Variants in MAPKAPK2 observed in about 807,000 individuals in gnomAD.
The protein encoded by MAPKAPK2 is MAPK activated protein kinase 2.
Under a neutral mutation model 48.8 loss-of-function variants are expected in MAPKAPK2, and 9 were observed. The observed-to-expected ratio is 0.18, with a 90% CI of 0.11 to 0.32. MAPKAPK2 has a LOEUF of 0.32. Among genes scored for constraint, MAPKAPK2 ranks in the 10% least tolerant of loss-of-function variants. MAPKAPK2 has a pLI of 1.00. For synonymous variants in MAPKAPK2, 202 were observed against 190.6 expected (o/e 1.06, Z -0.49); for missense variants, 331 against 498.3 (o/e 0.66, Z 3.20).
intron 1 of MAPKAPK2, among the ~76,000 whole-genome samples, chr1:206,689,761 A>C (rs1553426024): frequency 6.6e-6 from 1 of 152,228 alleles, no homozygotes. Context: ...GATTAAACTA[A>C]ATTAAATTTG....
intron 3 of MAPKAPK2, 128 bp from the exon 4 acceptor site, chr1:206,729,268 C>T: frequency 9.2e-7 from 1 of 1,092,262 alleles, no homozygotes; most frequent in Non-Finnish European, 1.4e-6. Flanking sequence ...GGCTTTGTTT[C>T]TGGGGTGGGT....
chr1:206,692,954 T>A (rs1385256298), intron 1 of MAPKAPK2, among the ~76,000 whole-genome samples: 1 of 152,152 alleles, frequency 6.6e-6, no homozygotes, highest in Non-Finnish European at 1.5e-5. Context: ...CTGGCTCATC[T>A]CCATGAAGAT....
In MAPKAPK2 at chr1:206,732,724, C is replaced by T. The variant is rs545967385; in HGVS notation, c.*6C>T. 605 of 1,614,032 alleles carry T rather than the reference C, an allele frequency of 3.7e-4. 9 individuals are homozygous for T. The South Asian group carries it at 6.3e-3, about 17-fold the overall frequency. On this transcript the variant is annotated 3_prime_UTR_variant, in exon 10 of 10. Coordinates refer to ENST00000367103, the MANE Select transcript of MAPKAPK2 (RefSeq NM_032960.4). The surrounding 1 kb of genome is among the most constrained non-coding windows in gnomAD (Gnocchi z 4.4). The stretch of plus-strand genomic sequence containing the variant: ...CTGCGGCTCTGGCCCACTGAGCCAC[C>T]GCGCCCTCCTGCCCACGGGAGGACA...
At chr1:206,712,784 G>A (rs1279534323) in intron 1 of MAPKAPK2, among the ~76,000 whole-genome samples, 10 of 151,956 alleles carry the variant, frequency 6.6e-5, no homozygotes, top group African/African-American at 2.4e-4. Flanking sequence ...TGGCCAATGT[G>A]GTGAAACCCC....
chr1:206,716,342 A>G (rs1673333934), intron 1 of MAPKAPK2, among the ~76,000 whole-genome samples: 1 of 152,154 alleles, frequency 6.6e-6, no homozygotes, highest in Non-Finnish European at 1.5e-5. Context: ...CTCACTGTGT[A>G]GGAAAGAGTG....
At position 206,706,933 on chromosome 1, in the gene MAPKAPK2, C is replaced by T. The variant is rs563962440; in HGVS notation, c.279+21425C>T. Among the ~76,000 whole-genome samples, 32 of 152,266 alleles carry T rather than the reference C, an allele frequency of 2.1e-4. No individual in the cohort carries two copies. In the East Asian group the frequency reaches 5.6e-3, roughly 27 times the overall value. ...CAGTGTCTGAGCCCCTTCCCTACCC[C>T]TCATTCATTCTCTCCCCTCACCTGT... On this transcript the variant is annotated intron_variant, in intron 1 of 9. Coordinates refer to ENST00000367103, the MANE Select transcript of MAPKAPK2 (RefSeq NM_032960.4).
chr1:206,693,395 G>A (rs1672515036), intron 1 of MAPKAPK2, among the ~76,000 whole-genome samples: 1 of 151,258 alleles, frequency 6.6e-6, no homozygotes, highest in African/African-American at 2.5e-5. Context: ...AGGTGATTTG[G>A]GGCTAACTCA....
chr1:206,702,035 G>A (rs1465489019), intron 1 of MAPKAPK2, among the ~76,000 whole-genome samples: 1 of 152,108 alleles, frequency 6.6e-6, no homozygotes, highest in Non-Finnish European at 1.5e-5. Flanking sequence ...CCTGGAATGT[G>A]CATTTTTAAT....
intron 2 of MAPKAPK2, 38 bp downstream of exon 2, chr1:206,728,887 C>A (rs1673797670): frequency 6.2e-7 from 1 of 1,612,168 alleles, no homozygotes; most frequent in South Asian, 1.1e-5. Flanking sequence ...CCAGCCTGTT[C>A]CCACTCCTCA....
At chr1:206,706,779 G>C (rs781867317) in intron 1 of MAPKAPK2, among the ~76,000 whole-genome samples, 1 of 152,216 alleles carries the variant, frequency 6.6e-6, no homozygotes, top group Non-Finnish European at 1.5e-5. Context: ...TACTTGTTCA[G>C]AAGTGGCTTC....
rs1312446845 is a variant in MAPKAPK2, at chr1:206,714,836, A to G, written c.280-13874A>G. On this transcript the variant is annotated intron_variant, in intron 1 of 9. Transcript: ENST00000367103. ...CTCTTAGTCATCATAGTTTATTAAC[A>G]GTTTTGTTTACATATTGCTTCTTTT... is the stretch of plus-strand genomic sequence containing the variant. Among the ~76,000 whole-genome samples, 15 of 151,672 alleles carry G rather than the reference A, an allele frequency of 9.9e-5. No individual in the cohort carries two copies. The South Asian group carries it at 2.7e-3, about 27-fold the overall frequency.
rs1181483621 is a variant in MAPKAPK2 at position 206,701,831 on chromosome 1, T to TAAAAA, written c.279+16344_279+16348dup. On this transcript the variant is annotated intron_variant, in intron 1 of 9. Coordinates refer to ENST00000367103, the MANE Select transcript of MAPKAPK2 (RefSeq NM_032960.4). ...GGGCAACAGAATGAGACCCTGTCTC[T>TAAAAA]AAAAAAAAAAAAAAAAAAAAAAAAA... Among the ~76,000 whole-genome samples, 12 of 86,968 alleles carry TAAAAA rather than the reference T, an allele frequency of 1.4e-4. 1 individual carries two copies. The highest frequency in any genetic ancestry group is 2.2e-4 in the Non-Finnish European group (10 of 45,004). 57.1% of individuals were successfully genotyped at this position (86,968 alleles called of 152,430 possible). A position where few individuals can be genotyped will look rare whatever the true frequency, so the allele number is the denominator to read the frequency against.
At chr1:206,701,693 G>A (rs1436364958) in intron 1 of MAPKAPK2, among the ~76,000 whole-genome samples, 1 of 151,804 alleles carries the variant, frequency 6.6e-6, no homozygotes, top group Non-Finnish European at 1.5e-5. Flanking sequence ...AATTAGCCTG[G>A]CGTGGTGGCG....
chr1:206,716,417 G>C (rs80314272), intron 1 of MAPKAPK2, among the ~76,000 whole-genome samples: 2 of 152,232 alleles, frequency 1.3e-5, no homozygotes, highest in South Asian at 4.1e-4. Context: ...CTATCTTCCG[G>C]TTCTTTTTCC....
chr1:206,723,384 T>C (rs1330758423), intron 1 of MAPKAPK2, among the ~76,000 whole-genome samples: 1 of 152,178 alleles, frequency 6.6e-6, no homozygotes, highest in African/African-American at 2.4e-5. Context: ...ATTTACATCA[T>C]GCACATCTAT....
chr1:206,686,202 T>C (rs967432079), intron 1 of MAPKAPK2, among the ~76,000 whole-genome samples: 18 of 152,246 alleles, frequency 1.2e-4, no homozygotes, highest in African/African-American at 4.1e-4. Flanking sequence ...GCCGGCGGTG[T>C]CCGCGGCCCG....
chr1:206,701,830 C>CAAAAAAAA lies in MAPKAPK2; in HGVS notation c.279+16322_279+16323insAAAAAAAA, dbSNP rs1553427942. On this transcript the variant is annotated intron_variant, in intron 1 of 9. Transcript: ENST00000367103. ...TGGGCAACAGAATGAGACCCTGTCT[C>CAAAAAAAA]TAAAAAAAAAAAAAAAAAAAAAAAA... is the stretch of plus-strand genomic sequence containing the variant. Among the ~76,000 whole-genome samples, 12 of 80,212 alleles carry CAAAAAAAA rather than the reference C, an allele frequency of 1.5e-4. 2 individuals carry two copies. The highest frequency in any genetic ancestry group is 1.7e-4 in the Non-Finnish European group (7 of 40,568). The allele number at this position is 80,212 out of a possible 152,430, so 52.6% of individuals were successfully genotyped here. A position where few individuals can be genotyped will look rare whatever the true frequency, so the allele number is the denominator to read the frequency against.
intron 1 of MAPKAPK2, among the ~76,000 whole-genome samples, chr1:206,710,988 A>G (rs1393179264): frequency 2.0e-5 from 3 of 152,192 alleles, no homozygotes; most frequent in African/African-American, 4.8e-5. Flanking sequence ...GAGAGTTTTT[A>G]ATGTTTTGAC....
intron 3 of MAPKAPK2, 93 bp from the exon 4 acceptor site, chr1:206,729,303 G>A (rs782255286): frequency 2.5e-5 from 30 of 1,186,776 alleles, no homozygotes; most frequent in Non-Finnish European, 3.6e-5. Flanking sequence ...GCCTCAGGCT[G>A]CACAGAGGTG....
Sources: allele counts gnomAD v4.1 joint callset (sites outside exome capture counted in the v4.1 genomes callset), GRCh38; gene constraint gnomAD v4.1.1; non-coding constraint Gnocchi (gnomAD v3.1); transcripts MANE v1.5; gene names NCBI Gene and HGNC (gene_info 2026-07-23, HGNC 2026-07-21).